CRACD: variants seen among roughly 807,000 people sequenced by gnomAD.
CRACD encodes the protein capping protein inhibiting regulator of actin dynamics, also known as capping protein-inhibiting regulator of actin dynamics.
In CRACD, 56 loss-of-function variants were observed where a neutral mutation model predicts 106.8. The observed-to-expected ratio is 0.52, with a 90% CI of 0.42 to 0.66. The LOEUF (loss-of-function observed/expected upper bound fraction) is 0.66. CRACD is among the 30% of genes least tolerant of loss of function. CRACD has a pLI of 0.00. For missense variants in CRACD, 1,730 were observed against 1,623.2 expected (o/e 1.07, Z -1.13); for synonymous variants, 754 against 670.8 (o/e 1.12, Z -1.92).
chr4:56,294,556 G>A (rs777454), intron 3 of CRACD, among the ~76,000 whole-genome samples: 1 of 152,054 alleles, frequency 6.6e-6, no homozygotes, highest in Non-Finnish European at 1.5e-5. Flanking sequence ...AGTTTAAAAA[G>A]TTATAGATTT....
chr4:56,187,776 C>G (rs1029450914), intron 2 of CRACD, among the ~76,000 whole-genome samples: 1 of 151,960 alleles, frequency 6.6e-6, no homozygotes, highest in Non-Finnish European at 1.5e-5. Context: ...ATGCCTCCCA[C>G]GGATAAGGCA....
chr4:56,149,689 A>G lies in CRACD; in HGVS notation c.-335-29595A>G, dbSNP rs1339487554. ...TAGTCTCAATAGAACTTTGTCAAGT[A>G]CAAAACCCTGATTTTCAGAGCTAGT... is the stretch of plus-strand genomic sequence containing the variant. On this transcript the variant is annotated intron_variant, in intron 1 of 10. Transcript: ENST00000682029. 2.6e-5 allele frequency among the ~76,000 whole-genome samples: 4 copies of G among 152,232 alleles called. 1 individual carries two copies. The highest frequency in any genetic ancestry group is 5.9e-5 in the Non-Finnish European group (4 of 68,040).
intron 1 of CRACD, among the ~76,000 whole-genome samples, chr4:56,093,666 A>G (rs764499402): frequency 2.6e-5 from 4 of 152,220 alleles, no homozygotes; most frequent in Non-Finnish European, 5.9e-5. Context: ...TTCAGTGCCA[A>G]TGTGATGCCT....
intron 1 of CRACD, among the ~76,000 whole-genome samples, chr4:56,051,877 A>T (rs78010882): frequency 6.6e-6 from 1 of 152,200 alleles, no homozygotes; most frequent in Non-Finnish European, 1.5e-5. Flanking sequence ...AGGTGATTTA[A>T]TCTAAGCCTC....
intron 1 of CRACD, among the ~76,000 whole-genome samples, chr4:56,053,341 G>A (rs1433002792): frequency 3.3e-5 from 5 of 151,960 alleles, no homozygotes; most frequent in Non-Finnish European, 4.4e-5. Flanking sequence ...TTCTTTACAC[G>A]TTTCCTATGT....
intron 10 of CRACD, among the ~76,000 whole-genome samples, chr4:56,325,465 T>C (rs1746382425): frequency 6.6e-6 from 1 of 152,186 alleles, no homozygotes; most frequent in African/African-American, 2.4e-5. Context: ...CAGGCAAAAG[T>C]GAGATGGTCT....
chr4:56,313,926 T>C (rs1365384998), intron 7 of CRACD, 114 bp from the exon 8 acceptor site: 1 of 1,389,246 alleles, frequency 7.2e-7, no homozygotes, highest in Non-Finnish European at 9.8e-7. Context: ...TGAGAATACC[T>C]GCTTCCAGGT....
intron 2 of CRACD, among the ~76,000 whole-genome samples, chr4:56,192,342 A>G (rs1044132578): frequency 1.3e-5 from 2 of 152,152 alleles, no homozygotes; most frequent in Non-Finnish European, 2.9e-5. Context: ...CAGTGAGCCA[A>G]GATCGTGCCA....
chr4:56,090,546 C>T (rs1733392732), intron 1 of CRACD, among the ~76,000 whole-genome samples: 1 of 152,116 alleles, frequency 6.6e-6, no homozygotes, highest in Non-Finnish European at 1.5e-5. Flanking sequence ...AGGTGCGTAC[C>T]ACCACACCCA....
chr4:56,311,486 T>G (rs1745152850), intron 6 of CRACD: 1 of 152,240 alleles, frequency 6.6e-6, no homozygotes, highest in Non-Finnish European at 1.5e-5. Context: ...CACATTTGGC[T>G]CCGACTCCTT....
intron 1 of CRACD, among the ~76,000 whole-genome samples, chr4:56,152,034 G>C (rs1735598728): frequency 6.7e-6 from 1 of 149,290 alleles, no homozygotes; most frequent in African/African-American, 2.5e-5. Flanking sequence ...TTTTGAGATG[G>C]AGTTTCACTC....
At chr4:56,252,272 T>C (rs984109547) in intron 2 of CRACD, among the ~76,000 whole-genome samples, 2 of 152,120 alleles carry the variant, frequency 1.3e-5, no homozygotes, top group African/African-American at 4.8e-5. Flanking sequence ...TACACACACA[T>C]ACCACCATCA....
At chr4:56,180,625 T>C (rs1314755540) in intron 2 of CRACD, among the ~76,000 whole-genome samples, 2 of 152,126 alleles carry the variant, frequency 1.3e-5, no homozygotes, top group Non-Finnish European at 2.9e-5. Context: ...AAATATGAGA[T>C]CAAAGGAAAT....
At chr4:56,153,526 C>T (rs1177785371) in intron 1 of CRACD, among the ~76,000 whole-genome samples, 2 of 152,154 alleles carry the variant, frequency 1.3e-5, no homozygotes, top group Admixed American at 6.5e-5. Flanking sequence ...CCTCCTTCCT[C>T]CTGTTTCTCC....
At chr4:56,092,319 G>GC (rs914816979) in intron 1 of CRACD, among the ~76,000 whole-genome samples, 2 of 152,138 alleles carry the variant, frequency 1.3e-5, no homozygotes, top group African/African-American at 4.8e-5. Context: ...TCCATCTTGG[G>GC]CCCCGAGGAA....
chr4:56,065,263 T>A (rs895844957), intron 1 of CRACD, among the ~76,000 whole-genome samples: 1 of 151,998 alleles, frequency 6.6e-6, no homozygotes, highest in African/African-American at 2.4e-5. Flanking sequence ...AATTTTTGTA[T>A]TTTTAGTAGA....
rs1166557065 is a variant in CRACD, at chr4:56,272,463, G to A, written c.-46G>A. On this transcript the variant is annotated 5_prime_UTR_variant, in exon 3 of 11. Transcript: ENST00000682029. ...GTGTCAGCAATGGGACCTTCTCTTC[G>A]GATGAGGAGACCCTGGAAGACAATC... 6.6e-6 allele frequency: 1 copy of A among 152,638 alleles called. No homozygotes were observed. Among genetic ancestry groups the A allele is most frequent in the Non-Finnish European group, 1.5e-5 (1 of 68,060 alleles). The allele number at this position is 152,638 out of a possible 1,614,324, so 9.5% of individuals were successfully genotyped here. A position where few individuals can be genotyped will look rare whatever the true frequency, so the allele number is the denominator to read the frequency against.
intron 1 of CRACD, among the ~76,000 whole-genome samples, chr4:56,138,739 G>A (rs1315002379): frequency 6.6e-6 from 1 of 152,176 alleles, no homozygotes; most frequent in African/African-American, 2.4e-5. Flanking sequence ...CATGAGATTT[G>A]TGAAAAGGTT....
chr4:56,245,162 T>A (rs1273474441), intron 2 of CRACD, among the ~76,000 whole-genome samples: 1 of 152,250 alleles, frequency 6.6e-6, no homozygotes, highest in Admixed American at 6.5e-5. Flanking sequence ...GTGTATCACT[T>A]CCTATCTTAT....
Sources: allele counts gnomAD v4.1 joint callset (sites outside exome capture counted in the v4.1 genomes callset), GRCh38; gene constraint gnomAD v4.1.1; transcripts MANE v1.5; gene names NCBI Gene and HGNC (gene_info 2026-07-23, HGNC 2026-07-21).